TEX48: variants seen among roughly 807,000 people sequenced by gnomAD.
TEX48 encodes the protein testis expressed 48.
In TEX48, 10 loss-of-function variants were observed where a neutral mutation model predicts 13.2. That is an observed-to-expected ratio of 0.75 (90% CI 0.47 to 1.28). The LOEUF (loss-of-function observed/expected upper bound fraction) is 1.28. Ranked by LOEUF, TEX48 falls within the 50% of genes most tolerant of loss-of-function variation. TEX48 has a pLI of 0.00. For synonymous variants in TEX48, 45 were observed against 52.3 expected (o/e 0.86, Z 0.60); for missense variants, 116 against 139.4 (o/e 0.83, Z 0.84).
chr9:114,674,082 A>G (rs1215388504), intron 1 of TEX48, among the ~76,000 whole-genome samples: 1 of 152,214 alleles, frequency 6.6e-6, no homozygotes, highest in East Asian at 1.9e-4. Flanking sequence ...CTGGGATTAC[A>G]GGAGTGAGTC....
intron 4 of TEX48, 38 bp downstream of exon 4, chr9:114,668,168 G>T: frequency 1.3e-6 from 2 of 1,534,316 alleles, no homozygotes. Flanking sequence ...CTGTCTGGGA[G>T]TTTCTGGTCA....
At chr9:114,681,316 A>C (rs902141124) in intron 1 of TEX48, among the ~76,000 whole-genome samples, 1 of 152,130 alleles carries the variant, frequency 6.6e-6, no homozygotes, top group African/African-American at 2.4e-5. Context: ...TTTCTCCTCT[A>C]AGTGTTGACA....
chr9:114,673,886 G>A (rs139247129), intron 1 of TEX48, among the ~76,000 whole-genome samples: 8,260 of 151,682 alleles, frequency 0.054, 449 homozygotes, highest in East Asian at 0.21. Flanking sequence ...GCTCACTGCA[G>A]CCTCAAACTC....
rs112309602 is a variant in TEX48 at position 114,679,939 on chromosome 9, C to T, written c.-105+2096G>A. On this transcript the variant is annotated intron_variant, in intron 1 of 4. Transcript: ENST00000436752. ...TATTTTAGCTAATTAGGGGAGTCTGCACCATTGCTAACACTCCCGTTGTGC... is the reference window on the plus strand; with the variant it reads ...TATTTTAGCTAATTAGGGGAGTCTGTACCATTGCTAACACTCCCGTTGTGC... 2.3e-3 allele frequency among the ~76,000 whole-genome samples: 353 copies of T among 152,154 alleles called. 1 individual carries two copies. The highest frequency in any genetic ancestry group is 8.2e-3 in the African/African-American group (342 of 41,490).
chr9:114,674,578 CTTTT>C (rs1564317047), intron 1 of TEX48, among the ~76,000 whole-genome samples: 1 of 68,372 alleles, frequency 1.5e-5, no homozygotes, highest in African/African-American at 1.3e-4. Context: ...TCTTTTCTTT[CTTTT>C]TTTCTCTTTT....
intron 1 of TEX48, among the ~76,000 whole-genome samples, chr9:114,679,480 C>A (rs1828144846): frequency 1.3e-5 from 2 of 152,046 alleles, no homozygotes; most frequent in Admixed American, 1.3e-4. Flanking sequence ...GAGAACTTTG[C>A]ACTTAACATT....
chr9:114,666,460 G>A lies in TEX48; in HGVS notation c.*183C>T. The A allele has an allele frequency of 2.0e-6, 1 of 499,422 alleles. No homozygotes were observed. The allele number at this position is 499,422 out of a possible 1,614,324, so 30.9% of individuals were successfully genotyped here. On this transcript the variant is annotated 3_prime_UTR_variant, in exon 5 of 5. Transcript: ENST00000436752. Reference sequence around the variant, plus strand: ...CTGGTGCAATCAAGAACTTTAATTGGAGGCAGCTCTTCCCATGGTGGCTTT... The same window carrying A: ...CTGGTGCAATCAAGAACTTTAATTGAAGGCAGCTCTTCCCATGGTGGCTTT...
intron 1 of TEX48, among the ~76,000 whole-genome samples, chr9:114,679,322 A>G (rs1391774066): frequency 6.7e-6 from 1 of 150,356 alleles, no homozygotes; most frequent in Non-Finnish European, 1.5e-5. Flanking sequence ...CCTGAAATAA[A>G]GACAGGACCC....
At chr9:114,666,785 C>T in intron 4 of TEX48, 39 bp from the exon 5 acceptor site, 1 of 1,040,582 alleles carries the variant, frequency 9.6e-7, no homozygotes, top group Non-Finnish European at 1.4e-6. Context: ...GGGTGAAGGC[C>T]TTTGAATTGG....
chr9:114,672,720 C>G (rs78996237), intron 1 of TEX48, among the ~76,000 whole-genome samples: 3,385 of 152,158 alleles, frequency 0.022, 57 homozygotes, highest in Admixed American at 0.036. Context: ...TGGGGTAGTT[C>G]TGTTAAAATA....
intron 1 of TEX48, among the ~76,000 whole-genome samples, chr9:114,680,179 G>A (rs1475188739): frequency 7.6e-5 from 10 of 131,282 alleles, no homozygotes; most frequent in Non-Finnish European, 1.4e-4. Context: ...CAGGGTTGGA[G>A]TGCAATGGTG....
At chr9:114,668,137 T>C (rs1397081476) in intron 4 of TEX48, 69 bp downstream of exon 4, 1 of 1,524,188 alleles carries the variant, frequency 6.6e-7, no homozygotes, top group Non-Finnish European at 8.8e-7. Context: ...CAATGGGGTC[T>C]GGTTATTAGG....
At chr9:114,671,929 T>C (rs1006175799) in intron 1 of TEX48, 102 bp from the exon 2 acceptor site, 12 of 608,056 alleles carry the variant, frequency 2.0e-5, no homozygotes, top group Middle Eastern at 3.4e-4. Flanking sequence ...CATGCAGACA[T>C]GCACATAAAC....
At chr9:114,675,667 G>A (rs1488432820) in intron 1 of TEX48, among the ~76,000 whole-genome samples, 2 of 152,204 alleles carry the variant, frequency 1.3e-5, no homozygotes, top group Non-Finnish European at 2.9e-5. Flanking sequence ...TGGTAGACAT[G>A]TAAATCCTAT....
intron 3 of TEX48, 93 bp from the exon 4 acceptor site, chr9:114,668,430 A>G (rs1827882487): frequency 1.7e-6 from 2 of 1,153,664 alleles, no homozygotes; most frequent in Admixed American, 4.0e-5. Flanking sequence ...CAGCGCACAC[A>G]GGCAAGTGGG....
chr9:114,674,793 C>T (rs896959146), intron 1 of TEX48, among the ~76,000 whole-genome samples: 1 of 151,620 alleles, frequency 6.6e-6, no homozygotes, highest in Non-Finnish European at 1.5e-5. Flanking sequence ...CTGCCTCAGC[C>T]TCCTGAGTAG....
intron 1 of TEX48, among the ~76,000 whole-genome samples, chr9:114,680,407 G>T (rs111549034): frequency 1.3e-5 from 2 of 152,138 alleles, no homozygotes; most frequent in African/African-American, 2.4e-5. Flanking sequence ...GATTACAGGC[G>T]TGAGCCACTG....
Position 114,671,764 on chromosome 9 carries a change from A to G in TEX48, c.-41T>C. 6.5e-7 allele frequency: 1 copy of G among 1,535,396 alleles called. No homozygotes were observed. Among genetic ancestry groups the G allele is most frequent in the Middle Eastern group, 1.7e-4 (1 of 5,990 alleles). On this transcript the variant is annotated 5_prime_UTR_variant, in exon 2 of 5. Coordinates refer to ENST00000436752, the MANE Select transcript of TEX48 (RefSeq NM_001199233.2). ...CTTCTACTCTGCCAGCTTTGTCTGC[A>G]GGGGTGCCTTGTTGAATCAGCCAGT...
At chr9:114,674,297 C>A (rs944851583) in intron 1 of TEX48, among the ~76,000 whole-genome samples, 1 of 152,090 alleles carries the variant, frequency 6.6e-6, no homozygotes, top group Non-Finnish European at 1.5e-5. Context: ...CATTTGCCCC[C>A]CCTGCTGAGT....
Sources: gnomAD v4.1 joint callset for allele counts (sites outside exome capture counted in the v4.1 genomes callset) on GRCh38, gnomAD v4.1.1 for gene constraint, MANE v1.5 for transcripts, NCBI Gene and HGNC (gene_info 2026-07-23, HGNC 2026-07-21) for gene names.